Variants in TTLL5 observed in about 807,000 individuals in gnomAD.
The protein encoded by TTLL5 is tubulin tyrosine ligase like 5, also known as tubulin polyglutamylase TTLL5.
A neutral mutation model predicts 168.4 loss-of-function variants in TTLL5; 132 were observed. The observed-to-expected ratio is 0.78, with a 90% CI of 0.68 to 0.91. The LOEUF (loss-of-function observed/expected upper bound fraction) is 0.91, where lower values mean the gene tolerates loss of function less well. Among genes scored for constraint, TTLL5 ranks in the 40% least tolerant of loss-of-function variants. The pLI is 0.00. For missense variants in TTLL5, 1,545 were observed against 1,581.5 expected, an observed-to-expected ratio of 0.98 and a Z score of 0.39; for synonymous variants, 546 against 558.6, an observed-to-expected ratio of 0.98 and a Z score of 0.32.
chr14:75,914,619 GTTTTTTT>G (rs10571332), intron 31 of TTLL5, among the ~76,000 whole-genome samples: 3 of 96,062 alleles, frequency 3.1e-5, no homozygotes, highest in Non-Finnish European at 4.1e-5. Flanking sequence ...CACTACTCTT[GTTTTTTT>G]TTTTTTTTTT....
intron 28 of TTLL5, among the ~76,000 whole-genome samples, chr14:75,854,248 G>C (rs1033490992): frequency 2.6e-5 from 4 of 152,044 alleles, no homozygotes; most frequent in African/African-American, 9.7e-5. Flanking sequence ...CTGTAGATTT[G>C]CTGTGCCTGT....
chr14:75,824,727 G>GT (rs200747931), intron 28 of TTLL5, among the ~76,000 whole-genome samples: 13,445 of 139,326 alleles, frequency 0.097, 907 homozygotes, highest in African/African-American at 0.2. Flanking sequence ...AAAATTATGT[G>GT]TTTTTTTTTT....
chr14:75,676,722 CT>C (rs1884186092), intron 3 of TTLL5, among the ~76,000 whole-genome samples: 1 of 147,844 alleles, frequency 6.8e-6, no homozygotes, highest in South Asian at 2.1e-4. Context: ...TTGTATTTTT[CT>C]TTTATATTAG....
At chr14:75,721,885 TG>T (rs1887859961) in intron 12 of TTLL5, among the ~76,000 whole-genome samples, 1 of 152,216 alleles carries the variant, frequency 6.6e-6, no homozygotes, top group African/African-American at 2.4e-5. Flanking sequence ...GAATAGAAGA[TG>T]GTAGATAAAT....
rs1227925664 is a variant in TTLL5, at chr14:75,685,764, A to T, written c.371+2108A>T. 2.6e-5 allele frequency among the ~76,000 whole-genome samples: 4 copies of T among 152,202 alleles called. No homozygotes were observed. In the South Asian group the frequency reaches 8.3e-4, roughly 31 times the overall value. On this transcript the variant is annotated intron_variant, in intron 5 of 31. Transcript: ENST00000298832. ...CCTAGTTACCTTACCTTTCCAGGTA[A>T]ATATGTACCTAGAAAGCTATATATT...
chr14:75,664,529 AT>A (rs1883112629), intron 2 of TTLL5, among the ~76,000 whole-genome samples: 1 of 152,210 alleles, frequency 6.6e-6, no homozygotes, highest in South Asian at 2.1e-4. Context: ...GTAAGGCATT[AT>A]TTTTACTGGT....
intron 20 of TTLL5, among the ~76,000 whole-genome samples, chr14:75,771,142 G>T (rs1183340786): frequency 1.3e-5 from 2 of 152,156 alleles, no homozygotes; most frequent in Non-Finnish European, 2.9e-5. Context: ...TTCAAAGAGG[G>T]TCAAGCACAG....
At chr14:75,740,372 AG>A (rs1889178543) in intron 15 of TTLL5, among the ~76,000 whole-genome samples, 1 of 152,168 alleles carries the variant, frequency 6.6e-6, no homozygotes, top group African/African-American at 2.4e-5. Flanking sequence ...TTTACCAGGC[AG>A]TAACCACCAG....
chr14:75,950,124 A>G (rs1371973688), intron 31 of TTLL5, among the ~76,000 whole-genome samples: 3 of 152,200 alleles, frequency 2.0e-5, no homozygotes, highest in Non-Finnish European at 2.9e-5. Context: ...AAACTGGTCT[A>G]TATATAGGAA....
chr14:75,701,753 C>G (rs953542950), intron 7 of TTLL5, among the ~76,000 whole-genome samples: 19 of 152,196 alleles, frequency 1.2e-4, no homozygotes, highest in Admixed American at 7.2e-4. Flanking sequence ...GATTCTAATT[C>G]CTTGGCTGAT....
At chr14:75,845,466 A>G (rs1456289542) in intron 28 of TTLL5, among the ~76,000 whole-genome samples, 2 of 152,074 alleles carry the variant, frequency 1.3e-5, no homozygotes, top group African/African-American at 4.8e-5. Context: ...TAATTTTTAT[A>G]TTGTTTGAAA....
intron 29 of TTLL5, among the ~76,000 whole-genome samples, chr14:75,868,390 A>G (rs1284735771): frequency 3.9e-5 from 6 of 152,218 alleles, no homozygotes; most frequent in Non-Finnish European, 8.8e-5. Context: ...TTAATTTTCA[A>G]CATTAGTAAA....
At chr14:75,917,618 G>C (rs1470008288) in intron 31 of TTLL5, among the ~76,000 whole-genome samples, 1 of 152,230 alleles carries the variant, frequency 6.6e-6, no homozygotes. Flanking sequence ...TTTAGATGGA[G>C]CCAGACCTGG....
At chr14:75,731,806 A>G (rs962147627) in intron 12 of TTLL5, among the ~76,000 whole-genome samples, 6 of 152,192 alleles carry the variant, frequency 3.9e-5, no homozygotes, top group Non-Finnish European at 7.3e-5. Context: ...AAATACATTT[A>G]TATGTCTTCT....
rs143620696 is a variant in TTLL5 at position 75,808,813 on chromosome 14, G to C, written c.3172-11194G>C. Among the ~76,000 whole-genome samples, 255 of 151,700 alleles carry C rather than the reference G, an allele frequency of 1.7e-3. 5 individuals are homozygous for C. The highest frequency in any genetic ancestry group is 5.7e-3 in the African/African-American group (237 of 41,370). ...TATTTTTTAAAATTTTTATATAGAG[G>C]TGAGGTCTCACTGTGTTGCCCAGAC... is the stretch of plus-strand genomic sequence containing the variant. On this transcript the variant is annotated intron_variant, in intron 27 of 31. Coordinates refer to ENST00000298832, the MANE Select transcript of TTLL5 (RefSeq NM_015072.5).
At chr14:75,918,079 C>T (rs576832413) in intron 31 of TTLL5, among the ~76,000 whole-genome samples, 6 of 152,246 alleles carry the variant, frequency 3.9e-5, no homozygotes, top group African/African-American at 9.6e-5. Context: ...CTGTTCCTAC[C>T]GGCATTGTGT....
chr14:75,848,078 G>A (rs942414594), intron 28 of TTLL5, among the ~76,000 whole-genome samples: 1 of 151,068 alleles, frequency 6.6e-6, no homozygotes, highest in Non-Finnish European at 1.5e-5. Context: ...TAAAAAAAAG[G>A]TGGAGTTTTG....
intron 27 of TTLL5, among the ~76,000 whole-genome samples, chr14:75,794,840 G>A (rs958584850): frequency 6.6e-6 from 1 of 152,172 alleles, no homozygotes; most frequent in Admixed American, 6.5e-5. Context: ...GTGATCTTGA[G>A]CAGTTCACTC....
chr14:75,733,422 C>T (rs192887502), intron 13 of TTLL5, among the ~76,000 whole-genome samples: 7 of 152,084 alleles, frequency 4.6e-5, no homozygotes, highest in East Asian at 3.9e-4. Flanking sequence ...TGTGGGTTCC[C>T]GCCCATCTGG....
Sources: gnomAD v4.1 joint callset for allele counts (sites outside exome capture counted in the v4.1 genomes callset) on GRCh38, gnomAD v4.1.1 for gene constraint, MANE v1.5 for transcripts, NCBI Gene and HGNC (gene_info 2026-07-23, HGNC 2026-07-21) for gene names.